Variants in ABLIM2 observed in about 807,000 individuals in gnomAD.
ABLIM2 encodes the protein actin-binding LIM protein 2.
A neutral mutation model predicts 97.7 loss-of-function variants in ABLIM2; 53 were observed. The observed-to-expected ratio is 0.54, with a 90% confidence interval of 0.44 to 0.68. The LOEUF is 0.68. Ranked by LOEUF, ABLIM2 falls within the 30% of genes least tolerant of loss-of-function variation. The pLI is 0.00. For missense variants in ABLIM2, 835 were observed against 867.2 expected (o/e 0.96, Z 0.47); for synonymous variants, 361 against 345.8 (o/e 1.04, Z -0.49).
At chr4:8,153,239 G>C (rs962848003) in intron 1 of ABLIM2, among the ~76,000 whole-genome samples, 9 of 152,198 alleles carry the variant, frequency 5.9e-5, no homozygotes, top group Admixed American at 4.6e-4. Context: ...GCTTTTCCAT[G>C]AGTCAGGGAC....
rs190874376 is a variant in ABLIM2 at position 8,142,443 on chromosome 4, C to G, written c.10+16237G>C. 2.1e-3 allele frequency among the ~76,000 whole-genome samples: 326 copies of G among 152,298 alleles called. 1 individual carries two copies. Among genetic ancestry groups the G allele is most frequent in the Non-Finnish European group, 3.5e-3 (239 of 68,020 alleles). On this transcript the variant is annotated intron_variant, in intron 1 of 20. Transcript: ENST00000447017. ...ACCTTCGGGCACAGAGGGCACATGTCCTGGTCACCCGGCTTCCCCATTGCC... is the reference window on the plus strand; with the variant it reads ...ACCTTCGGGCACAGAGGGCACATGTGCTGGTCACCCGGCTTCCCCATTGCC...
chr4:8,008,140 G>C lies in ABLIM2; in HGVS notation c.1537C>G (p.Leu513Val), dbSNP rs964702467. The C allele has an allele frequency of 1.9e-6, 3 of 1,614,054 alleles. No individual in the cohort carries two copies. The highest frequency in any genetic ancestry group is 2.7e-5 in the African/African-American group (2 of 75,062). ...CTGTGGGACAAGGACTGGGTGTCCAGGTCTGGAGAATTGGTCCTTGTGTCT... is the reference window on the plus strand; with the variant it reads ...CTGTGGGACAAGGACTGGGTGTCCACGTCTGGAGAATTGGTCCTTGTGTCT... ...DADTRTNSPD[L>V]DTQSLSHSSG... Residue 513 changes from leucine (L) to valine (V), a missense_variant, in exon 16 of 21, where the codon CTG (leucine) becomes GTG (valine). Leu to Val is a conservative substitution (Grantham distance 32). Transcript: ENST00000447017.
At chr4:7,994,584 C>CGCAACAAAAGACAAA (rs1283882613) in intron 16 of ABLIM2, among the ~76,000 whole-genome samples, 2 of 73,224 alleles carry the variant, frequency 2.7e-5, no homozygotes, top group African/African-American at 7.8e-5. Context: ...TTTATAGCAG[C>CGCAACAAAAGACAAA]ATGATTTATA....
Position 8,006,877 on chromosome 4 carries a change from A to AGG in ABLIM2, c.1618+1180_1618+1181dup, listed in dbSNP as rs35056915. Reference sequence around the variant, plus strand: ...CCCTCTCCCTCTGGGGGATTTTTGCAGGGGGGGGGTGGCTTTCCCATGGTG... The same window carrying AGG: ...CCCTCTCCCTCTGGGGGATTTTTGCAGGGGGGGGGGGTGGCTTTCCCATGGTG... On this transcript the variant is annotated intron_variant, in intron 16 of 20. Transcript: ENST00000447017. 319 of 324,442 alleles carry AGG rather than the reference A, an allele frequency of 9.8e-4. 1 individual carries two copies. Among genetic ancestry groups the AGG allele is most frequent in the African/African-American group, 7.0e-3 (299 of 42,714 alleles). The allele number at this position is 324,442 out of a possible 1,614,324, so 20.1% of individuals were successfully genotyped here. A position where few individuals can be genotyped will look rare whatever the true frequency, so the allele number is the denominator to read the frequency against.
At chr4:8,016,465 C>T (rs761259703) in intron 14 of ABLIM2, among the ~76,000 whole-genome samples, 6 of 152,292 alleles carry the variant, frequency 3.9e-5, no homozygotes, top group African/African-American at 1.2e-4. Flanking sequence ...CAAAGCCCCA[C>T]GGGTTATATG....
chr4:8,045,175 G>A lies in ABLIM2; in HGVS notation c.889C>T (p.Arg297Cys), dbSNP rs575536833. ...AGGCCCTGACTTACATAAATCACACGGCTCGGAGACCCTGAGGTGCTGGAA... is the reference window on the plus strand; with the variant it reads ...AGGCCCTGACTTACATAAATCACACAGCTCGGAGACCCTGAGGTGCTGGAA... ...PASSTSGSPS[R>C]VIYAKLGGEI... Residue 297 changes from arginine (R) to cysteine (C), a missense_variant, in exon 9 of 21, where the codon CGT (arginine) becomes TGT (cysteine). Arg to Cys is a radical substitution (Grantham distance 180). Transcript: ENST00000447017. 1.8e-5 allele frequency: 29 copies of A among 1,613,778 alleles called. No individual in the cohort carries two copies. Among genetic ancestry groups the A allele is most frequent in the Middle Eastern group, 1.7e-4 (1 of 6,058 alleles).
chr4:8,133,643 C>G (rs1031182737), intron 1 of ABLIM2, among the ~76,000 whole-genome samples: 1 of 152,210 alleles, frequency 6.6e-6, no homozygotes, highest in Non-Finnish European at 1.5e-5. Flanking sequence ...CCGCTCTCCT[C>G]GCCCCTCACC....
chr4:8,065,078 G>A (rs1561098257), intron 6 of ABLIM2, among the ~76,000 whole-genome samples: 1 of 152,134 alleles, frequency 6.6e-6, no homozygotes, highest in African/African-American at 2.4e-5. Flanking sequence ...AGTGAGACAT[G>A]GTCTCTACAA....
intron 16 of ABLIM2, among the ~76,000 whole-genome samples, chr4:7,995,012 G>A (rs371817299): frequency 0.011 from 1,054 of 99,574 alleles, 70 homozygotes; most frequent in African/African-American, 0.026. Context: ...AAAAGTGGGC[G>A]AAGGACATGA....
intron 1 of ABLIM2, among the ~76,000 whole-genome samples, chr4:8,109,442 G>T (rs73218467): frequency 0.063 from 9,669 of 152,282 alleles, 401 homozygotes; most frequent in African/African-American, 0.11. Flanking sequence ...AGCCTGGAAG[G>T]TCTCCTCATC....
intron 6 of ABLIM2, among the ~76,000 whole-genome samples, chr4:8,062,634 T>C (rs1328138037): frequency 6.6e-6 from 1 of 151,692 alleles, no homozygotes; most frequent in Non-Finnish European, 1.5e-5. Flanking sequence ...AGAGACGGGG[T>C]TTCACTGTGT....
intron 14 of ABLIM2, among the ~76,000 whole-genome samples, chr4:8,013,565 G>A (rs1288879134): frequency 2.6e-5 from 4 of 152,172 alleles, no homozygotes; most frequent in African/African-American, 9.7e-5. Flanking sequence ...GATAATAATA[G>A]ATGCTATGAA....
chr4:8,086,796 T>C (rs183117367), intron 4 of ABLIM2, among the ~76,000 whole-genome samples: 6 of 151,760 alleles, frequency 4.0e-5, no homozygotes, highest in South Asian at 2.1e-4. Context: ...TTCTCAAAGA[T>C]AGATAAAAGG....
At chr4:8,051,947 A>G (rs1467850582) in intron 8 of ABLIM2, among the ~76,000 whole-genome samples, 5 of 152,192 alleles carry the variant, frequency 3.3e-5, no homozygotes, top group African/African-American at 1.2e-4. Flanking sequence ...GCCCGTGTAT[A>G]TACCTGACTG....
intron 20 of ABLIM2, among the ~76,000 whole-genome samples, chr4:7,982,616 T>C (rs1339065630): frequency 1.3e-5 from 2 of 152,198 alleles, no homozygotes; most frequent in Non-Finnish European, 2.9e-5. Flanking sequence ...CCGGTTATTT[T>C]AGATGGGTGT....
chr4:8,062,563 C>T (rs541082765), intron 6 of ABLIM2, among the ~76,000 whole-genome samples: 66 of 152,100 alleles, frequency 4.3e-4, no homozygotes, highest in East Asian at 7.8e-4. Flanking sequence ...CCTCAGCCTC[C>T]GAGTAGCTGG....
chr4:8,103,185 A>T (rs536585036), intron 2 of ABLIM2, among the ~76,000 whole-genome samples: 9 of 152,280 alleles, frequency 5.9e-5, no homozygotes, highest in South Asian at 4.1e-4. Context: ...CTACCTCCAG[A>T]CTTCGTGTTA....
intron 11 of ABLIM2, among the ~76,000 whole-genome samples, chr4:8,028,336 G>A (rs1269531935): frequency 6.6e-6 from 1 of 152,210 alleles, no homozygotes; most frequent in South Asian, 2.1e-4. Flanking sequence ...CCCTTAGGAC[G>A]AGGAGCTCAA....
chr4:8,154,774 C>T (rs374808684), intron 1 of ABLIM2, among the ~76,000 whole-genome samples: 2 of 152,140 alleles, frequency 1.3e-5, no homozygotes, highest in African/African-American at 2.4e-5. Flanking sequence ...CGTGGGCTCA[C>T]GTATTAGTCT....
Sources: allele counts gnomAD v4.1 joint callset (sites outside exome capture counted in the v4.1 genomes callset), GRCh38; gene constraint gnomAD v4.1.1; transcripts MANE v1.5; gene names NCBI Gene and HGNC (gene_info 2026-07-23, HGNC 2026-07-21).